TAFA2: variants seen among roughly 807,000 people sequenced by gnomAD.
TAFA2 encodes the protein chemokine-like protein TAFA-2.
A neutral mutation model predicts 18.8 loss-of-function variants in TAFA2; 7 were observed. The ratio of observed to expected loss-of-function variants is 0.37; its 90% CI spans 0.21 to 0.70. The LOEUF (loss-of-function observed/expected upper bound fraction) is 0.70. Ranked by LOEUF, TAFA2 falls within the 30% of genes least tolerant of loss-of-function variation. The pLI is 0.53. For missense variants in TAFA2, 122 were observed against 158.1 expected, an observed-to-expected ratio of 0.77 and a Z score of 1.23; for synonymous variants, 60 against 54.2, an observed-to-expected ratio of 1.11 and a Z score of -0.47.
chr12:61,720,978 A>T (rs1018124713), intron 4 of TAFA2: 8 of 512,528 alleles, frequency 1.6e-5, no homozygotes, highest in Non-Finnish European at 3.1e-5. Flanking sequence ...TATTACAGAA[A>T]GCAAACCTGG....
intron 1 of TAFA2, among the ~76,000 whole-genome samples, chr12:62,155,596 C>T (rs1349435682): frequency 1.3e-5 from 2 of 152,116 alleles, no homozygotes; most frequent in Admixed American, 1.3e-4. Flanking sequence ...TAAAAATAGG[C>T]ACATAGACCA....
intron 1 of TAFA2, among the ~76,000 whole-genome samples, chr12:62,127,872 T>C (rs908163167): frequency 3.3e-5 from 5 of 152,050 alleles, no homozygotes; most frequent in African/African-American, 4.8e-5. Context: ...ACCAAGTACA[T>C]AGTAAGTACT....
chr12:62,218,668 T>G lies in TAFA2; in HGVS notation c.-130+40095A>C, dbSNP rs138755442. Among the ~76,000 whole-genome samples the G allele has an allele frequency of 9.9e-3, 1,503 of 152,336 alleles. 7 individuals are homozygous for G. Among genetic ancestry groups the G allele is most frequent in the Non-Finnish European group, 0.016 (1,061 of 68,018 alleles). ...TACTATCTTTACGATCTTTATAGCTTTAAATCTATGAATGAAATAGATGTT... is the reference window on the plus strand; with the variant it reads ...TACTATCTTTACGATCTTTATAGCTGTAAATCTATGAATGAAATAGATGTT... On this transcript the variant is annotated intron_variant, in intron 1 of 5. Coordinates refer to the TAFA2 transcript ENST00000551619.
chr12:62,003,070 A>G (rs1490414694), intron 1 of TAFA2, among the ~76,000 whole-genome samples: 3 of 151,908 alleles, frequency 2.0e-5, no homozygotes, highest in African/African-American at 4.8e-5. Context: ...TCTCACCACC[A>G]TCATCTCTCA....
intron 2 of TAFA2, among the ~76,000 whole-genome samples, chr12:61,818,578 A>G (rs1222709218): frequency 6.6e-6 from 1 of 151,784 alleles, no homozygotes; most frequent in Non-Finnish European, 1.5e-5. Context: ...AAGCCCTCCA[A>G]TGGAGCACCA....
chr12:62,017,073 C>T (rs1880963112), intron 1 of TAFA2, among the ~76,000 whole-genome samples: 2 of 152,118 alleles, frequency 1.3e-5, no homozygotes, highest in Admixed American at 1.3e-4. Flanking sequence ...ATAATCCACC[C>T]CAGCTAATCT....
chr12:62,079,126 G>A (rs925347278), intron 1 of TAFA2, among the ~76,000 whole-genome samples: 4 of 152,094 alleles, frequency 2.6e-5, no homozygotes, highest in African/African-American at 9.7e-5. Context: ...CCTCTCTCCA[G>A]CGTCAGCTCT....
chr12:61,816,820 A>T (rs931684282), intron 2 of TAFA2, among the ~76,000 whole-genome samples: 2 of 151,416 alleles, frequency 1.3e-5, no homozygotes, highest in Non-Finnish European at 2.9e-5. Context: ...AGCCATACTT[A>T]TTGCTGGATT....
chr12:62,004,717 A>C (rs901884379), intron 1 of TAFA2, among the ~76,000 whole-genome samples: 1 of 152,130 alleles, frequency 6.6e-6, no homozygotes, highest in Non-Finnish European at 1.5e-5. Context: ...TATCATATAG[A>C]TATCAGTGCT....
intron 2 of TAFA2, among the ~76,000 whole-genome samples, chr12:61,811,563 G>C (rs1453212201): frequency 6.6e-6 from 1 of 151,324 alleles, no homozygotes; most frequent in African/African-American, 2.5e-5. Context: ...AATCTAGTTG[G>C]GAACATGAGC....
chr12:61,966,307 T>C (rs1375055867), intron 1 of TAFA2, among the ~76,000 whole-genome samples: 4 of 151,924 alleles, frequency 2.6e-5, no homozygotes, highest in African/African-American at 9.7e-5. Context: ...AGGGCTGCTA[T>C]CTACTTGCAA....
intron 2 of TAFA2, among the ~76,000 whole-genome samples, chr12:61,788,339 A>G (rs1870825796): frequency 6.6e-6 from 1 of 151,722 alleles, no homozygotes; most frequent in Non-Finnish European, 1.5e-5. Context: ...TTTAAACTGC[A>G]CTCAAGCTCA....
chr12:61,785,459 C>T (rs1870697327), intron 2 of TAFA2, among the ~76,000 whole-genome samples: 1 of 151,110 alleles, frequency 6.6e-6, no homozygotes, highest in Non-Finnish European at 1.5e-5. Context: ...TTTTCTGACT[C>T]ATAAGGAATC....
chr12:61,925,487 C>T (rs1439209501), intron 1 of TAFA2, among the ~76,000 whole-genome samples: 2 of 152,156 alleles, frequency 1.3e-5, no homozygotes, highest in Admixed American at 6.5e-5. Flanking sequence ...TGAATGACTA[C>T]TGGGTAAATA....
chr12:61,831,608 T>A (rs558161684), intron 2 of TAFA2, among the ~76,000 whole-genome samples: 1 of 152,242 alleles, frequency 6.6e-6, no homozygotes, highest in South Asian at 2.1e-4. Flanking sequence ...AATACTGTTT[T>A]TCTGGAAGAC....
intron 1 of TAFA2, among the ~76,000 whole-genome samples, chr12:62,123,821 T>A (rs1458177914): frequency 9.8e-6 from 1 of 101,574 alleles, no homozygotes; most frequent in Non-Finnish European, 2.1e-5. Context: ...CACCACCTTT[T>A]GAGGGAGAAC....
At chr12:62,073,493 A>C (rs530139125) in intron 1 of TAFA2, among the ~76,000 whole-genome samples, 1 of 151,178 alleles carries the variant, frequency 6.6e-6, no homozygotes, top group Non-Finnish European at 1.5e-5. Flanking sequence ...GGTAGGTGTT[A>C]TTATCTTATC....
intron 1 of TAFA2, among the ~76,000 whole-genome samples, chr12:61,922,198 T>C (rs1877081355): frequency 6.6e-6 from 1 of 152,140 alleles, no homozygotes; most frequent in Non-Finnish European, 1.5e-5. Context: ...TGCATGTTTG[T>C]ATACTACTGA....
At chr12:62,186,344 A>G (rs1179417687) in intron 1 of TAFA2, among the ~76,000 whole-genome samples, 1 of 152,138 alleles carries the variant, frequency 6.6e-6, no homozygotes, top group East Asian at 1.9e-4. Flanking sequence ...TATATTTAGT[A>G]AAACAAACCT....
Sources: allele counts gnomAD v4.1 joint callset (sites outside exome capture counted in the v4.1 genomes callset), GRCh38; gene constraint gnomAD v4.1.1; transcripts MANE v1.5; gene names NCBI Gene and HGNC (gene_info 2026-07-23, HGNC 2026-07-21).